Variants in PITPNM2 observed in about 807,000 individuals in gnomAD.
PITPNM2 encodes phosphatidylinositol transfer protein membrane associated 2, also known as membrane-associated phosphatidylinositol transfer protein 2.
In PITPNM2, 35 loss-of-function variants were observed where a neutral mutation model predicts 132.2. The observed-to-expected ratio is 0.26, with a 90% CI of 0.20 to 0.35. The LOEUF is 0.35. Ranked by LOEUF, PITPNM2 falls within the 10% of genes least tolerant of loss-of-function variation. The probability of loss-of-function intolerance (pLI) is 1.00; values close to 1 mark genes in which losing one functional copy is unlikely to be tolerated. For missense variants in PITPNM2, 1,332 were observed against 1,912.0 expected (o/e 0.70, Z 5.66); for synonymous variants, 738 against 799.2 (o/e 0.92, Z 1.29).
At chr12:123,100,404 T>A (rs1389248115) in intron 2 of PITPNM2, among the ~76,000 whole-genome samples, 2 of 152,156 alleles carry the variant, frequency 1.3e-5, no homozygotes, top group African/African-American at 4.8e-5. Flanking sequence ...GGCGGGTGGA[T>A]CACCTGAGGT....
chr12:123,004,661 C>A lies in PITPNM2; in HGVS notation c.953-172G>T, dbSNP rs994084424. 14 of 644,652 alleles carry A rather than the reference C, an allele frequency of 2.2e-5. No homozygotes were observed. The highest frequency in any genetic ancestry group is 3.9e-5 in the Non-Finnish European group (14 of 357,830). The allele number at this position is 644,652 out of a possible 1,614,324, so 39.9% of individuals were successfully genotyped here. A position where few individuals can be genotyped will look rare whatever the true frequency, so the allele number is the denominator to read the frequency against. Reference sequence around the variant, plus strand: ...ATGAAGTGTGTAAATGAGTGGGGAGCGGCCTAGGCTCATCTCCTGTCCGCC... The same window carrying A: ...ATGAAGTGTGTAAATGAGTGGGGAGAGGCCTAGGCTCATCTCCTGTCCGCC... On this transcript the variant is annotated intron_variant, in intron 7 of 25. Transcript: ENST00000320201. This position sits in a 1 kb window ranked among gnomAD's most constrained non-coding sequence, Gnocchi z 4.9.
intron 3 of PITPNM2, chr12:123,034,279 T>C: frequency 1.9e-6 from 1 of 517,148 alleles, no homozygotes; most frequent in Non-Finnish European, 3.5e-6. Flanking sequence ...GTTCGCGTTG[T>C]AGGCGGCGGG....
In PITPNM2 at chr12:122,992,349, C is replaced by T. The variant is rs1351707864; in HGVS notation, c.2404+150G>A. The T allele has an allele frequency of 1.4e-5, 5 of 366,896 alleles. No individual in the cohort carries two copies. Among genetic ancestry groups the T allele is most frequent in the Non-Finnish European group, 1.0e-5 (2 of 200,366 alleles). 22.7% of individuals were successfully genotyped at this position (366,896 alleles called of 1,614,324 possible). On this transcript the variant is annotated intron_variant, in intron 16 of 25. Transcript: ENST00000320201. The surrounding 1 kb of genome is among the most constrained non-coding windows in gnomAD (Gnocchi z 6.5). ...AGGGATGCACCACCCCCACCCCCCA[C>T]CCCCAACAGCTGTCCACCTCCAAGA...
At chr12:123,053,252 C>G (rs1377897354) in intron 2 of PITPNM2, among the ~76,000 whole-genome samples, 7 of 152,118 alleles carry the variant, frequency 4.6e-5, no homozygotes, top group Non-Finnish European at 8.8e-5. Context: ...TAATTTTTAA[C>G]TTGACTTGTC....
intron 1 of PITPNM2, among the ~76,000 whole-genome samples, chr12:123,119,012 C>T (rs2042983019): frequency 6.6e-6 from 1 of 152,278 alleles, no homozygotes; most frequent in Middle Eastern, 3.4e-3. Context: ...CAGCTTTAGT[C>T]ACCTGCAGGT....
In PITPNM2 at chr12:123,058,001, C is replaced by T. The variant is rs897102804; in HGVS notation, c.-95-23316G>A. Among the ~76,000 whole-genome samples, 1 of 152,198 alleles carries T rather than the reference C, an allele frequency of 6.6e-6. No individual in the cohort carries two copies. The highest frequency in any genetic ancestry group is 2.4e-5 in the African/African-American group (1 of 41,448). ...CCAAGTCCCAGGGACCCCTCCTGTA[C>T]ACCTGACAGGTGCTACCTCCTCTCT... On this transcript the variant is annotated intron_variant, in intron 2 of 25. Coordinates refer to ENST00000320201, the MANE Select transcript of PITPNM2 (RefSeq NM_020845.3). This position sits in a 1 kb window ranked among gnomAD's most constrained non-coding sequence, Gnocchi z 4.0.
chr12:122,987,082 T>C lies in PITPNM2; in HGVS notation c.3413+199A>G, dbSNP rs558828378. ...CAGATGCGGGAATTGAAAGCCGACA[T>C]TGAGAAGTGACATCGCTTGCCCAAG... On this transcript the variant is annotated intron_variant, in intron 23 of 25. Coordinates refer to ENST00000320201, the MANE Select transcript of PITPNM2 (RefSeq NM_020845.3). Among the ~76,000 whole-genome samples, 30 of 152,364 alleles carry C rather than the reference T, an allele frequency of 2.0e-4. No individual in the cohort carries two copies. The South Asian group carries it at 4.1e-3, about 21-fold the overall frequency.
chr12:123,143,070 G>T (rs771312826), intron 1 of PITPNM2, among the ~76,000 whole-genome samples: 5 of 152,128 alleles, frequency 3.3e-5, no homozygotes, highest in Non-Finnish European at 5.9e-5. Context: ...CGCCACTGAT[G>T]AAAGCTGGGA....
intron 3 of PITPNM2, 137 bp downstream of exon 3, chr12:123,034,376 A>G (rs958020704): frequency 7.6e-6 from 6 of 784,886 alleles, no homozygotes; most frequent in Non-Finnish European, 1.0e-5. Flanking sequence ...GGGGTCCAGC[A>G]CAATTCACAC....
At chr12:123,038,884 G>A (rs1007774966) in intron 2 of PITPNM2, among the ~76,000 whole-genome samples, 3 of 152,168 alleles carry the variant, frequency 2.0e-5, no homozygotes, top group African/African-American at 7.2e-5. Context: ...AGGATTACCT[G>A]AGCCCAGGAG....
At chr12:123,102,525 T>C (rs1468476797) in intron 2 of PITPNM2, among the ~76,000 whole-genome samples, 2 of 152,202 alleles carry the variant, frequency 1.3e-5, no homozygotes, top group Admixed American at 6.5e-5. Context: ...CTTTGGCCTA[T>C]AGATTCAGCT....
At chr12:123,037,817 A>G (rs2040330082) in intron 2 of PITPNM2, among the ~76,000 whole-genome samples, 1 of 152,248 alleles carries the variant, frequency 6.6e-6, no homozygotes, top group African/African-American at 2.4e-5. Flanking sequence ...TCGCAGCCTG[A>G]GCCAGCACCC....
In PITPNM2 at chr12:123,011,088, G is replaced by A. The variant is rs117242663; in HGVS notation, c.416-1011C>T. ...AGAGCCCTCCTGTGTGCTCACTCCC[G>A]AGGCACATGTGTGTTGGGCAGGACT... On this transcript the variant is annotated intron_variant, in intron 5 of 25. Coordinates refer to ENST00000320201, the MANE Select transcript of PITPNM2 (RefSeq NM_020845.3). Among the ~76,000 whole-genome samples, 1,374 of 152,326 alleles carry A rather than the reference G, an allele frequency of 9.0e-3. 16 individuals carry two copies. Among genetic ancestry groups the A allele is most frequent in the Non-Finnish European group, 0.015 (1,029 of 68,010 alleles).
At position 122,989,984 on chromosome 12, in the gene PITPNM2, G is replaced by A. The variant is rs890440448; in HGVS notation, c.2570-36C>T. 28 of 1,295,230 alleles carry A rather than the reference G, an allele frequency of 2.2e-5. 1 individual carries two copies. The highest frequency in any genetic ancestry group is 5.4e-5 in the South Asian group (2 of 37,358). The allele number at this position is 1,295,230 out of a possible 1,614,324, so 80.2% of individuals were successfully genotyped here. ...AGAGCAATGGATGGCTCAGCCACGCGGGGATGACCGCACTGCCACGTCTAC... is the reference window on the plus strand; with the variant it reads ...AGAGCAATGGATGGCTCAGCCACGCAGGGATGACCGCACTGCCACGTCTAC... On this transcript the variant is annotated intron_variant, in intron 17 of 25. Transcript: ENST00000320201.
At chr12:123,124,249 T>C (rs2043092469) in intron 1 of PITPNM2, among the ~76,000 whole-genome samples, 1 of 151,808 alleles carries the variant, frequency 6.6e-6, no homozygotes, top group African/African-American at 2.4e-5. Context: ...AGAGTGAGAC[T>C]CCGTCTCAAA....
chr12:123,147,695 CAT>C (rs1347206640), intron 1 of PITPNM2, among the ~76,000 whole-genome samples: 1 of 152,082 alleles, frequency 6.6e-6, no homozygotes, highest in African/African-American at 2.4e-5. Context: ...AGAGGAGAAA[CAT>C]AATCAGTTGG....
chr12:122,987,669 G>T lies in PITPNM2; in HGVS notation c.3115-10C>A, dbSNP rs762437854. On this transcript the variant is annotated splice_polypyrimidine_tract_variant and intron_variant, in intron 21 of 25. Coordinates refer to ENST00000320201, the MANE Select transcript of PITPNM2 (RefSeq NM_020845.3). ...TGATGTGCACATCCACCTGGGCCCAGCAGGCTGGTCACGGGCTGGCTGTGT... is the reference window on the plus strand; with the variant it reads ...TGATGTGCACATCCACCTGGGCCCATCAGGCTGGTCACGGGCTGGCTGTGT... 3 of 1,611,652 alleles carry T rather than the reference G, an allele frequency of 1.9e-6. No homozygotes were observed. Among genetic ancestry groups the T allele is most frequent in the Non-Finnish European group, 2.5e-6 (3 of 1,178,682 alleles).
chr12:123,087,541 A>G (rs925021381), intron 2 of PITPNM2: 1 of 152,006 alleles, frequency 6.6e-6, no homozygotes, highest in Non-Finnish European at 1.5e-5. Flanking sequence ...CTAGCCCTCA[A>G]TGCAACTTTC....
chr12:123,097,939 A>G lies in PITPNM2; in HGVS notation c.-96+12446T>C, dbSNP rs2042454174. 6.6e-6 allele frequency among the ~76,000 whole-genome samples: 1 copy of G among 152,168 alleles called. No homozygotes were observed. The highest frequency in any genetic ancestry group is 1.5e-5 in the Non-Finnish European group (1 of 68,024). On this transcript the variant is annotated intron_variant, in intron 2 of 25. Transcript: ENST00000320201. This position sits in a 1 kb window ranked among gnomAD's most constrained non-coding sequence, Gnocchi z 4.7. ...CTGCTGGCCTTGGCCCTCTGTAGTG[A>G]TGCAGGGGACATGTCGAAAATGATA... is the stretch of plus-strand genomic sequence containing the variant.
Sources: gnomAD v4.1 joint callset for allele counts (sites outside exome capture counted in the v4.1 genomes callset) on GRCh38, gnomAD v4.1.1 for gene constraint, Gnocchi (gnomAD v3.1) non-coding constraint, MANE v1.5 for transcripts, NCBI Gene and HGNC (gene_info 2026-07-23, HGNC 2026-07-21) for gene names.